Variants in ZNF211 observed in about 807,000 individuals in gnomAD.
ZNF211 encodes the protein zinc finger protein 211.
In ZNF211, 18 loss-of-function variants were observed where a neutral mutation model predicts 12.1. That is an observed-to-expected ratio of 1.48 (90% CI 1.03 to 2.20). ZNF211 has a LOEUF of 2.20. Among genes scored for constraint, ZNF211 ranks in the 30% most tolerant of loss-of-function variants. ZNF211 has a pLI of 0.00. For missense variants in ZNF211, 677 were observed against 703.1 expected (o/e 0.96, Z 0.42); for synonymous variants, 249 against 246.0 (o/e 1.01, Z -0.11).
chr19:57,640,968 C>T lies in ZNF211; in HGVS notation c.521C>T (p.Ala174Val). ...CACCAGAGGCAGCACATTACAGAGG[C>T]ACCTTTCAGAAGTTATGTGGACACT... The part of the protein sequence containing the change: ...QQHQRQHITE[A>V]PFRSYVDTAS... Residue 174 changes from alanine to valine, a missense_variant, in exon 4 of 4, where the codon GCA (alanine) becomes GTA (valine). By Grantham distance (64) the Ala-to-Val change is moderately conservative. Transcript: ENST00000240731. 1 of 1,614,206 alleles carries T rather than the reference C, an allele frequency of 6.2e-7. No homozygotes were observed. The highest frequency in any genetic ancestry group is 8.5e-7 in the Non-Finnish European group (1 of 1,180,052).
In ZNF211 at chr19:57,641,397, A is replaced by G; in HGVS notation, c.950A>G (p.Gln317Arg). The change falls in exon 4 of 4, where the codon CAG (glutamine) becomes CGG (arginine). Residue 317 changes from glutamine to arginine, a missense_variant. By Grantham distance (43) the Gln-to-Arg change is conservative (BLOSUM62 1). Coordinates refer to ENST00000240731, the MANE Select transcript of ZNF211 (RefSeq NM_006385.5). Reference protein sequence around the residue: ...FTYYSSFIIHQRVHTGERPYA... With the variant: ...FTYYSSFIIHRRVHTGERPYA... Reference sequence around the variant, plus strand: ...TACTACTCCAGTTTCATTATACATCAGAGAGTTCATACTGGAGAAAGGCCT... The same window carrying G: ...TACTACTCCAGTTTCATTATACATCGGAGAGTTCATACTGGAGAAAGGCCT... The G allele has an allele frequency of 6.2e-7, 1 of 1,611,564 alleles. No individual in the cohort carries two copies. The highest frequency in any genetic ancestry group is 8.5e-7 in the Non-Finnish European group (1 of 1,178,172).
Position 57,633,322 on chromosome 19 carries a change from C to T in ZNF211, c.-25C>T. The T allele has an allele frequency of 6.5e-7, 1 of 1,548,274 alleles. No individual in the cohort carries two copies. ...GTCTGAGGGTCGGGGGCAGAGCCGC[C>T]CGCGAGGCCGGCCTGGGGATAGCGA... On this transcript the variant is annotated 5_prime_UTR_variant, in exon 1 of 4. Coordinates refer to ENST00000240731, the MANE Select transcript of ZNF211 (RefSeq NM_006385.5).
chr19:57,638,235 C>T (rs1482590582), intron 3 of ZNF211, among the ~76,000 whole-genome samples: 1 of 145,480 alleles, frequency 6.9e-6, no homozygotes, highest in African/African-American at 2.5e-5. Flanking sequence ...CAAAGAAACA[C>T]CTTTTGGTTT....
At chr19:57,638,024 G>T (rs559349729) in intron 3 of ZNF211, among the ~76,000 whole-genome samples, 5 of 151,060 alleles carry the variant, frequency 3.3e-5, no homozygotes. Flanking sequence ...TTGGCCTCCC[G>T]ATTAGCTGGG....
At position 57,633,277 on chromosome 19, in the gene ZNF211, C is replaced by G; in HGVS notation, c.-70C>G. 1 of 1,382,926 alleles carries G rather than the reference C, an allele frequency of 7.2e-7. No individual in the cohort carries two copies. Among genetic ancestry groups the G allele is most frequent in the South Asian group, 1.4e-5 (1 of 70,082 alleles). The allele number at this position is 1,382,926 out of a possible 1,614,324, so 85.7% of individuals were successfully genotyped here. On this transcript the variant is annotated 5_prime_UTR_variant, in exon 1 of 4. Coordinates refer to ENST00000240731, the MANE Select transcript of ZNF211 (RefSeq NM_006385.5). ...CTGCATCGGGATCGAAGTGACGGAC[C>G]GTGAAGGCGCGAGAGTCAGGTCTGA...
Position 57,643,186 on chromosome 19 carries a change from A to G in ZNF211, c.*1005A>G, listed in dbSNP as rs1459275721. On this transcript the variant is annotated 3_prime_UTR_variant, in exon 4 of 4. Transcript: ENST00000240731. ...CCAAGGAGCCAAGTGCCCCAATACAATTTAGTAGGCTACTGTCACTGTAAA... is the reference window on the plus strand; with the variant it reads ...CCAAGGAGCCAAGTGCCCCAATACAGTTTAGTAGGCTACTGTCACTGTAAA... Among the ~76,000 whole-genome samples the G allele has an allele frequency of 2.0e-5, 3 of 152,062 alleles. No homozygotes were observed. The highest frequency in any genetic ancestry group is 7.2e-5 in the African/African-American group (3 of 41,396).
chr19:57,634,284 C>G (rs900981169), intron 2 of ZNF211: 1 of 512,406 alleles, frequency 2.0e-6, no homozygotes, highest in East Asian at 3.1e-5. Context: ...ATGATAGAAA[C>G]AGGTAGGTAC....
chr19:57,636,180 T>C (rs1489398003), intron 3 of ZNF211, among the ~76,000 whole-genome samples: 2 of 152,206 alleles, frequency 1.3e-5, no homozygotes, highest in African/African-American at 4.8e-5. Context: ...ATGTTTTCTC[T>C]TATTCTGTGG....
intron 3 of ZNF211, among the ~76,000 whole-genome samples, chr19:57,638,251 A>ATT (rs59597056): frequency 7.3e-5 from 11 of 150,066 alleles, no homozygotes; most frequent in Non-Finnish European, 7.4e-5. Context: ...GGTTTTGTTG[A>ATT]TTTTTTTTTT....
At chr19:57,636,346 T>G (rs956247412) in intron 3 of ZNF211, among the ~76,000 whole-genome samples, 50 of 152,224 alleles carry the variant, frequency 3.3e-4, no homozygotes, top group African/African-American at 1.2e-3. Flanking sequence ...TTCCTTGCTT[T>G]AAGACTTCTA....
intron 1 of ZNF211, 49 bp downstream of exon 1, chr19:57,633,485 C>A: frequency 6.5e-7 from 1 of 1,543,840 alleles, no homozygotes; most frequent in Non-Finnish European, 8.7e-7. Flanking sequence ...TCTTAAGTCC[C>A]AAGTGAGAGG....
At position 57,643,169 on chromosome 19, in the gene ZNF211, C is replaced by G. The variant is rs368839873; in HGVS notation, c.*988C>G. On this transcript the variant is annotated 3_prime_UTR_variant, in exon 4 of 4. Transcript: ENST00000240731. ...GTCTACCCCCAGTGCTGCCAAGGAG[C>G]CAAGTGCCCCAATACAATTTAGTAG... Among the ~76,000 whole-genome samples the G allele has an allele frequency of 3.3e-4, 50 of 152,124 alleles. No individual in the cohort carries two copies. The South Asian group carries it at 9.6e-3, about 29-fold the overall frequency.
Position 57,634,061 on chromosome 19 carries a change from G to A in ZNF211, c.129G>A (p.Gln43=), listed in dbSNP as rs1981819977. The change falls in exon 2 of 4, where the codon CAG becomes CAA. Residue 43 remains glutamine (Q), a splice_region_variant and synonymous_variant. Transcript: ENST00000240731. ...CAGAGGTGCTTTTCAAACTTACACA[G>A]GTAAGTGGAGGTATCTCAGCCCCTC... is the stretch of plus-strand genomic sequence containing the variant. ...IATEVLFKLT[Q]GSVTFEDVAV... 3 of 1,569,198 alleles carry A rather than the reference G, an allele frequency of 1.9e-6. No homozygotes were observed. The highest frequency in any genetic ancestry group is 1.9e-5 in the Admixed American group (1 of 51,492).
chr19:57,634,151 G>A (rs1981840222), intron 2 of ZNF211, 90 bp downstream of exon 2: 9 of 1,383,248 alleles, frequency 6.5e-6, no homozygotes, highest in African/African-American at 5.8e-5. Context: ...TGGTGTCATG[G>A]GACTCACCTA....
At chr19:57,640,672 C>G in intron 3 of ZNF211, 32 bp from the exon 4 acceptor site, 1 of 1,603,114 alleles carries the variant, frequency 6.2e-7, no homozygotes, top group Non-Finnish European at 8.5e-7. Context: ...ATAAAGGTAA[C>G]ATGTACTTCA....
At position 57,641,355 on chromosome 19, in the gene ZNF211, G is replaced by A; in HGVS notation, c.908G>A (p.Cys303Tyr). The A allele has an allele frequency of 6.2e-7, 1 of 1,614,216 alleles. No individual in the cohort carries two copies. The highest frequency in any genetic ancestry group is 8.5e-7 in the Non-Finnish European group (1 of 1,180,040). Residue 303 changes from cysteine to tyrosine, a missense_variant, in exon 4 of 4, where the codon TGT becomes TAT. Transcript: ENST00000240731. ...GAAAGGCCTTATGAATGCAATGAAT[G>A]TGGAAAATTCTTTACCTACTACTCC... ...SEERPYECNECGKFFTYYSSF... is the reference protein window; with the variant it reads ...SEERPYECNEYGKFFTYYSSF...
In ZNF211 at chr19:57,641,509, T is replaced by TGAATGTGGG; in HGVS notation, c.1072_1080dup (p.Glu358_Gly360dup). ...AAGTTCACACTGGAGAAAGGCCTTA[T>TGAATGTGGG]GAATGTGGGGAATGTGGGAAATCTT... is the stretch of plus-strand genomic sequence containing the variant. On this transcript the variant is annotated inframe_insertion, in exon 4 of 4. Transcript: ENST00000240731. 2 of 1,614,218 alleles carry TGAATGTGGG rather than the reference T, an allele frequency of 1.2e-6. No homozygotes were observed. Among genetic ancestry groups the TGAATGTGGG allele is most frequent in the South Asian group, 1.1e-5 (1 of 91,090 alleles).
At position 57,642,984 on chromosome 19, in the gene ZNF211, A is replaced by G. The variant is rs148504162; in HGVS notation, c.*803A>G. 5.2e-3 allele frequency among the ~76,000 whole-genome samples: 792 copies of G among 152,236 alleles called. 7 individuals carry two copies. The highest frequency in any genetic ancestry group is 0.018 in the African/African-American group (727 of 41,524). ...CTTCTAGGAAATACTGCAGGATATT[A>G]TGGTCTTAATTCGTGGACTGGATGC... On this transcript the variant is annotated 3_prime_UTR_variant, in exon 4 of 4. Transcript: ENST00000240731.
chr19:57,635,141 A>G (rs935054562), intron 3 of ZNF211, among the ~76,000 whole-genome samples: 1 of 152,130 alleles, frequency 6.6e-6, no homozygotes, highest in Non-Finnish European at 1.5e-5. Context: ...TCAACCACCA[A>G]CCTTTCCATT....
Sources: allele counts gnomAD v4.1 joint callset (sites outside exome capture counted in the v4.1 genomes callset), GRCh38; gene constraint gnomAD v4.1.1; transcripts MANE v1.5; gene names NCBI Gene and HGNC (gene_info 2026-07-23, HGNC 2026-07-21).